Variants in DIP2B observed in about 807,000 individuals in gnomAD.
DIP2B encodes disco-interacting protein 2 homolog B.
A neutral mutation model predicts 198.0 loss-of-function variants in DIP2B; 76 were observed. The observed-to-expected ratio is 0.38, with a 90% CI of 0.32 to 0.46. The LOEUF (loss-of-function observed/expected upper bound fraction) is 0.46, where lower values mean the gene tolerates loss of function less well. DIP2B is among the 20% of genes least tolerant of loss of function. The pLI is 0.99. For synonymous variants in DIP2B, 701 were observed against 739.1 expected (o/e 0.95, Z 0.84); for missense variants, 1,559 against 1,978.4 (o/e 0.79, Z 4.02).
At chr12:50,591,037 C>T (rs1958814483) in intron 1 of DIP2B, among the ~76,000 whole-genome samples, 1 of 152,180 alleles carries the variant, frequency 6.6e-6, no homozygotes, top group Non-Finnish European at 1.5e-5. Context: ...CTAGCTTGCC[C>T]TTCTGCCTTC....
chr12:50,591,293 A>C (rs1398045427), intron 1 of DIP2B, among the ~76,000 whole-genome samples: 1 of 152,134 alleles, frequency 6.6e-6, no homozygotes, highest in African/African-American at 2.4e-5. Context: ...TTAATGCCCA[A>C]TTCTTGAACC....
intron 1 of DIP2B, among the ~76,000 whole-genome samples, chr12:50,577,189 G>A (rs1958669974): frequency 1.3e-5 from 2 of 152,136 alleles, no homozygotes; most frequent in Non-Finnish European, 2.9e-5. Context: ...GGCTCAAAGA[G>A]CTTTTGTTTA....
chr12:50,564,004 T>G (rs1440507230), intron 1 of DIP2B, among the ~76,000 whole-genome samples: 1 of 152,182 alleles, frequency 6.6e-6, no homozygotes, highest in Non-Finnish European at 1.5e-5. Flanking sequence ...TAATTTCTTT[T>G]TTACCTCCAC....
chr12:50,556,181 C>T (rs1363273232), intron 1 of DIP2B, among the ~76,000 whole-genome samples: 2 of 152,034 alleles, frequency 1.3e-5, no homozygotes, highest in African/African-American at 4.8e-5. Context: ...TCCCAGCCAC[C>T]TGGGATTACA....
At position 50,678,785 on chromosome 12, in the gene DIP2B, T is replaced by C. The variant is rs766755395; in HGVS notation, c.1023T>C (p.Ser341=). 2 of 1,614,222 alleles carry C rather than the reference T, an allele frequency of 1.2e-6. No homozygotes were observed. Among genetic ancestry groups the C allele is most frequent in the Non-Finnish European group, 1.7e-6 (2 of 1,180,036 alleles). Residue 341 remains serine, a synonymous_variant, in exon 8 of 38, where the codon TCT becomes TCC. Transcript: ENST00000301180. ...GTAACTGGCCTCCTGCTCTTGAATCTGCCCTGCAGCGCTGGGGTACCACTC... is the reference window on the plus strand; with the variant it reads ...GTAACTGGCCTCCTGCTCTTGAATCCGCCCTGCAGCGCTGGGGTACCACTC... ...VICNWPPALE[S]ALQRWGTTQA...
intron 1 of DIP2B, among the ~76,000 whole-genome samples, chr12:50,564,705 T>C (rs1958548511): frequency 6.6e-6 from 1 of 152,160 alleles, no homozygotes; most frequent in African/African-American, 2.4e-5. Context: ...TTTGTAGAGT[T>C]TAGAATATTA....
At chr12:50,632,012 TAGAG>T (rs1437977323) in intron 2 of DIP2B, among the ~76,000 whole-genome samples, 13 of 151,064 alleles carry the variant, frequency 8.6e-5, no homozygotes, top group East Asian at 5.9e-4. Context: ...TTTTCCTAAA[TAGAG>T]AGAAGGTCTC....
At chr12:50,543,519 C>G (rs938055821) in intron 1 of DIP2B, among the ~76,000 whole-genome samples, 3 of 151,794 alleles carry the variant, frequency 2.0e-5, no homozygotes, top group Admixed American at 2.0e-4. Context: ...GAACTCCTGA[C>G]CTCAGGTGAT....
chr12:50,636,603 G>A (rs1938163756), intron 2 of DIP2B, among the ~76,000 whole-genome samples: 1 of 152,192 alleles, frequency 6.6e-6, no homozygotes, highest in African/African-American at 2.4e-5. Context: ...GATCCCCACA[G>A]TCTGCTGTTT....
chr12:50,529,233 G>A (rs571497875), intron 1 of DIP2B, among the ~76,000 whole-genome samples: 1 of 152,276 alleles, frequency 6.6e-6, no homozygotes, highest in South Asian at 2.1e-4. Context: ...TGGAGGCTCC[G>A]GGAGCTGTGA....
At chr12:50,682,522 G>T (rs1389972695) in intron 9 of DIP2B, among the ~76,000 whole-genome samples, 1 of 151,602 alleles carries the variant, frequency 6.6e-6, no homozygotes, top group African/African-American at 2.4e-5. Flanking sequence ...CCAGCTACTC[G>T]GGAGGCTGAG....
At chr12:50,673,170 C>T (rs752626448) in intron 5 of DIP2B, among the ~76,000 whole-genome samples, 7 of 152,052 alleles carry the variant, frequency 4.6e-5, no homozygotes, top group East Asian at 1.9e-4. Context: ...AAAGGTATAC[C>T]GGAATATACT....
At chr12:50,604,512 G>GGCAT (rs1340639749) in intron 1 of DIP2B, among the ~76,000 whole-genome samples, 4 of 151,988 alleles carry the variant, frequency 2.6e-5, no homozygotes, top group Non-Finnish European at 5.9e-5. Context: ...TCAGTACAGT[G>GGCAT]GCATGCATGT....
chr12:50,715,118 T>TA (rs1939691297), intron 23 of DIP2B, among the ~76,000 whole-genome samples: 1 of 152,166 alleles, frequency 6.6e-6, no homozygotes, highest in African/African-American at 2.4e-5. Flanking sequence ...TTTTGTCAGG[T>TA]AAAAAAAGTT....
chr12:50,748,133 C>T lies in DIP2B; in HGVS notation c.*3294C>T, dbSNP rs1043258715. On this transcript the variant is annotated 3_prime_UTR_variant, in exon 38 of 38. Transcript: ENST00000301180. Reference sequence around the variant, plus strand: ...GAGGCCTTAGGTTTTCTATTAAGGTCTCTGCCCCAGGCATGGTGCTCTATA... The same window carrying T: ...GAGGCCTTAGGTTTTCTATTAAGGTTTCTGCCCCAGGCATGGTGCTCTATA... 2.0e-5 allele frequency: 3 copies of T among 152,618 alleles called. No individual in the cohort carries two copies. Among genetic ancestry groups the T allele is most frequent in the Non-Finnish European group, 4.4e-5 (3 of 68,042 alleles). The allele number at this position is 152,618 out of a possible 1,614,324, so 9.5% of individuals were successfully genotyped here.
At position 50,640,765 on chromosome 12, in the gene DIP2B, C is replaced by T; in HGVS notation, c.214C>T (p.Pro72Ser). ...AVQKELRNQT[P>S]APSAAQTSAP... The stretch of plus-strand genomic sequence containing the variant: ...ACAGAAAGAACTTAGAAACCAGACA[C>T]CTGCTCCATCTGCAGCTCAAACTTC... Residue 72 changes from proline (P) to serine (S), a missense_variant, in exon 3 of 38, where the codon CCT becomes TCT. Transcript: ENST00000301180. The T allele has an allele frequency of 1.2e-6, 2 of 1,613,980 alleles. No homozygotes were observed. The highest frequency in any genetic ancestry group is 1.1e-5 in the South Asian group (1 of 91,082).
At chr12:50,585,935 G>C (rs1958766567) in intron 1 of DIP2B, among the ~76,000 whole-genome samples, 1 of 152,188 alleles carries the variant, frequency 6.6e-6, no homozygotes, top group African/African-American at 2.4e-5. Flanking sequence ...GATCTTATCT[G>C]TCTGTTCACT....
chr12:50,634,386 A>G (rs1427048428), intron 2 of DIP2B, among the ~76,000 whole-genome samples: 1 of 152,224 alleles, frequency 6.6e-6, no homozygotes, highest in Non-Finnish European at 1.5e-5. Flanking sequence ...TACTTTGGAT[A>G]CAAGTAACTG....
At chr12:50,517,857 A>C (rs1354855999) in intron 1 of DIP2B, among the ~76,000 whole-genome samples, 1 of 152,044 alleles carries the variant, frequency 6.6e-6, no homozygotes, top group East Asian at 1.9e-4. Flanking sequence ...CTTCTGTTTC[A>C]GTTTCCTGTG....
Sources: allele counts gnomAD v4.1 joint callset (sites outside exome capture counted in the v4.1 genomes callset), GRCh38; gene constraint gnomAD v4.1.1; transcripts MANE v1.5; gene names NCBI Gene and HGNC (gene_info 2026-07-23, HGNC 2026-07-21).